The following EMILIN2 variants were observed in gnomAD, a reference collection of about 807,000 sequenced individuals.
EMILIN2 encodes the protein elastin microfibril interfacer 2.
A neutral mutation model predicts 87.1 loss-of-function variants in EMILIN2; 71 were observed. The ratio of observed to expected loss-of-function variants is 0.82; its 90% confidence interval spans 0.67 to 0.99. EMILIN2 has a LOEUF of 0.99. EMILIN2 is among the 50% of genes least tolerant of loss of function. The probability of loss-of-function intolerance (pLI) is 0.00; values close to 1 mark genes in which losing one functional copy is unlikely to be tolerated. For synonymous variants in EMILIN2, 581 were observed against 563.4 expected (o/e 1.03, Z -0.44); for missense variants, 1,407 against 1,371.8 (o/e 1.03, Z -0.40).
chr18:2,891,746 A>G lies in EMILIN2; in HGVS notation c.1619A>G (p.Asn540Ser), dbSNP rs751663738. The G allele has an allele frequency of 1.9e-6, 3 of 1,614,174 alleles. No homozygotes were observed. The highest frequency in any genetic ancestry group is 4.5e-5 in the East Asian group (2 of 44,878). Residue 540 changes from asparagine to serine, a missense_variant, in exon 4 of 8, where the codon AAC (asparagine) becomes AGC (serine). Asn to Ser is a conservative substitution (Grantham distance 46). Coordinates refer to ENST00000254528, the MANE Select transcript of EMILIN2 (RefSeq NM_032048.3). The surrounding 1 kb of genome is among the most constrained non-coding windows in gnomAD (Gnocchi z 4.6). ...SGDERVMMEL[N>S]HLKDKVQVVE... The stretch of plus-strand genomic sequence containing the variant: ...GATGAACGGGTCATGATGGAATTAA[A>G]CCACCTGAAGGACAAAGTTCAAGTT...
chr18:2,913,637 A>C lies in EMILIN2; in HGVS notation c.*233A>C. On this transcript the variant is annotated 3_prime_UTR_variant, in exon 8 of 8. Coordinates refer to ENST00000254528, the MANE Select transcript of EMILIN2 (RefSeq NM_032048.3). ...ACTTTTCTGCCACTCTAACTGGACAACTGGAAGACTTGGAAAGGCCTCCAC... is the reference window on the plus strand; with the variant it reads ...ACTTTTCTGCCACTCTAACTGGACACCTGGAAGACTTGGAAAGGCCTCCAC... 10 of 479,054 alleles carry C rather than the reference A, an allele frequency of 2.1e-5. No individual in the cohort carries two copies. The highest frequency in any genetic ancestry group is 7.6e-5 in the East Asian group (2 of 26,204). The allele number at this position is 479,054 out of a possible 1,614,324, so 29.7% of individuals were successfully genotyped here.
intron 4 of EMILIN2, among the ~76,000 whole-genome samples, chr18:2,902,857 A>G (rs1408096439): frequency 2.0e-5 from 3 of 152,036 alleles, no homozygotes; most frequent in Non-Finnish European, 2.9e-5. Context: ...ACCAAAGGAG[A>G]AGGAAGAGTG....
In EMILIN2 at chr18:2,891,450, G is replaced by A. The variant is rs2076835864; in HGVS notation, c.1323G>A (p.Glu441=). 3 of 1,614,094 alleles carry A rather than the reference G, an allele frequency of 1.9e-6. No individual in the cohort carries two copies. The highest frequency in any genetic ancestry group is 2.7e-5 in the African/African-American group (2 of 74,938). ...DNEFDRLIVP[E]PDVDFDAKWN... ...AGTTTGACCGCCTTATAGTTCCAGA[G>A]CCAGATGTGGATTTTGATGCAAAAT... The change falls in exon 4 of 8, where the codon GAG becomes GAA. Residue 441 remains glutamate, a synonymous_variant. Transcript: ENST00000254528. The surrounding 1 kb of genome is among the most constrained non-coding windows in gnomAD (Gnocchi z 4.6).
chr18:2,893,387 C>T (rs1243442037), intron 4 of EMILIN2, among the ~76,000 whole-genome samples: 2 of 125,696 alleles, frequency 1.6e-5, no homozygotes, highest in African/African-American at 3.0e-5. Flanking sequence ...AGACACAGGA[C>T]CGTGGATGAG....
At chr18:2,854,426 G>T (rs77227390) in intron 2 of EMILIN2, among the ~76,000 whole-genome samples, 2,708 of 151,850 alleles carry the variant, frequency 0.018, 73 homozygotes, top group African/African-American at 0.061. Context: ...GCAGATGGTT[G>T]TTCAGTTGGC....
At chr18:2,875,821 G>T (rs188355376) in intron 2 of EMILIN2, among the ~76,000 whole-genome samples, 1 of 152,162 alleles carries the variant, frequency 6.6e-6, no homozygotes, top group Non-Finnish European at 1.5e-5. Flanking sequence ...ACCAAGCCTC[G>T]CAGCAGAGCT....
Position 2,880,523 on chromosome 18 carries a change from G to A in EMILIN2, c.258-4441G>A, listed in dbSNP as rs536396494. On this transcript the variant is annotated intron_variant, in intron 2 of 7. Transcript: ENST00000254528. The surrounding 1 kb of genome is among the most constrained non-coding windows in gnomAD (Gnocchi z 4.1). ...GCCCATACCCAAGGCACCTGTGGAC[G>A]GGGCTCTCCAGAGGGCTGGGGCACC... is the stretch of plus-strand genomic sequence containing the variant. Among the ~76,000 whole-genome samples, 12 of 152,330 alleles carry A rather than the reference G, an allele frequency of 7.9e-5. No homozygotes were observed. The highest frequency in any genetic ancestry group is 3.4e-3 in the Middle Eastern group (1 of 294).
At chr18:2,876,304 G>C (rs1192982967) in intron 2 of EMILIN2, among the ~76,000 whole-genome samples, 1 of 151,816 alleles carries the variant, frequency 6.6e-6, no homozygotes, top group Non-Finnish European at 1.5e-5. Flanking sequence ...TTAAAAGCTA[G>C]CTTGTTACTC....
At position 2,910,347 on chromosome 18, in the gene EMILIN2, G is replaced by A. The variant is rs568013372; in HGVS notation, c.2824+528G>A. Among the ~76,000 whole-genome samples, 9 of 152,344 alleles carry A rather than the reference G, an allele frequency of 5.9e-5. No homozygotes were observed. In the South Asian group the frequency reaches 1.2e-3, roughly 21 times the overall value. On this transcript the variant is annotated intron_variant, in intron 7 of 7. Transcript: ENST00000254528. ...TTCAGCTGGGAGCCTGAGTCTTTCT[G>A]CAGCGCCTGGCGTGTCCCCCTGCCC...
intron 2 of EMILIN2, among the ~76,000 whole-genome samples, chr18:2,879,379 C>T (rs1448339486): frequency 6.6e-6 from 1 of 152,174 alleles, no homozygotes; most frequent in African/African-American, 2.4e-5. Context: ...AACAGCCATG[C>T]CAGGCGCAGT....
Position 2,894,118 on chromosome 18 carries a change from T to C in EMILIN2, c.2359+1632T>C, listed in dbSNP as rs560791227. Among the ~76,000 whole-genome samples, 1 of 152,262 alleles carries C rather than the reference T, an allele frequency of 6.6e-6. No individual in the cohort carries two copies. The highest frequency in any genetic ancestry group is 2.4e-5 in the African/African-American group (1 of 41,548). ...GAGATTTCATGGCCTCTGTGAACCT[T>C]GGGATTTTATGATCAAGTCCCAGAT... On this transcript the variant is annotated intron_variant, in intron 4 of 7. Coordinates refer to ENST00000254528, the MANE Select transcript of EMILIN2 (RefSeq NM_032048.3). The surrounding 1 kb of genome is among the most constrained non-coding windows in gnomAD (Gnocchi z 5.0).
chr18:2,851,731 A>T (rs1353021761), intron 2 of EMILIN2, among the ~76,000 whole-genome samples: 1 of 152,218 alleles, frequency 6.6e-6, no homozygotes, highest in Non-Finnish European at 1.5e-5. Flanking sequence ...TGTTATGTGC[A>T]ACCAGGAACA....
chr18:2,892,564 AT>A, intron 4 of EMILIN2, 78 bp downstream of exon 4: 1 of 1,492,808 alleles, frequency 6.7e-7, no homozygotes, highest in Non-Finnish European at 8.9e-7. Flanking sequence ...TTTTTTGTTC[AT>A]TTTTGATATT....
intron 2 of EMILIN2, among the ~76,000 whole-genome samples, chr18:2,876,641 C>T (rs2076749943): frequency 6.9e-6 from 1 of 145,862 alleles, no homozygotes; most frequent in South Asian, 2.5e-4. Context: ...TGGCGGGCGC[C>T]TGTAGTCCCA....
At chr18:2,900,374 A>C (rs2076883257) in intron 4 of EMILIN2, among the ~76,000 whole-genome samples, 1 of 152,132 alleles carries the variant, frequency 6.6e-6, no homozygotes, top group Admixed American at 6.5e-5. Flanking sequence ...TTTTTTGTCG[A>C]GACAGAGTCT....
At chr18:2,888,639 CAA>C (rs2076815236) in intron 3 of EMILIN2, among the ~76,000 whole-genome samples, 4 of 149,224 alleles carry the variant, frequency 2.7e-5, no homozygotes, top group Non-Finnish European at 5.9e-5. Context: ...GGCGTGAACC[CAA>C]GAGGCAGAGC....
Position 2,884,561 on chromosome 18 carries a change from A to G in EMILIN2, c.258-403A>G, listed in dbSNP as rs189902392. ...GTGCCCGGCCAGGAATATTTCTTTA[A>G]AACACAAAACAAAACAATCTCTAGT... On this transcript the variant is annotated intron_variant, in intron 2 of 7. Transcript: ENST00000254528. Among the ~76,000 whole-genome samples the G allele has an allele frequency of 5.8e-3, 887 of 152,330 alleles. 10 individuals are homozygous for G. The highest frequency in any genetic ancestry group is 0.02 in the African/African-American group (838 of 41,570).
At chr18:2,856,651 C>T (rs1168885240) in intron 2 of EMILIN2, among the ~76,000 whole-genome samples, 25 of 152,174 alleles carry the variant, frequency 1.6e-4, no homozygotes, top group Admixed American at 1.6e-3. Flanking sequence ...GAAACCGTAC[C>T]AGTGGTGAGG....
chr18:2,893,274 G>C (rs186783876), intron 4 of EMILIN2, among the ~76,000 whole-genome samples: 48 of 152,084 alleles, frequency 3.2e-4, no homozygotes, highest in Admixed American at 2.8e-3. Flanking sequence ...TTCTACCTAG[G>C]GAGTCTCCTA....
Sources: allele counts gnomAD v4.1 joint callset (sites outside exome capture counted in the v4.1 genomes callset), GRCh38; gene constraint gnomAD v4.1.1; non-coding constraint Gnocchi (gnomAD v3.1); transcripts MANE v1.5; gene names NCBI Gene and HGNC (gene_info 2026-07-23, HGNC 2026-07-21).